The following STPG2 variants were observed in gnomAD, a reference collection of about 807,000 sequenced individuals.
STPG2 encodes the protein sperm tail PG-rich repeat containing 2.
A neutral mutation model predicts 54.2 loss-of-function variants in STPG2; 56 were observed. The observed-to-expected ratio is 1.03, with a 90% CI of 0.83 to 1.29. STPG2 has a LOEUF of 1.29. STPG2 is among the 50% of genes most tolerant of loss of function. The pLI, the probability that STPG2 is intolerant of heterozygous loss-of-function variation, is 0.00. For missense variants in STPG2, 596 were observed against 544.9 expected, an observed-to-expected ratio of 1.09 and a Z score of -0.93; for synonymous variants, 200 against 181.8, an observed-to-expected ratio of 1.10 and a Z score of -0.81.
intron 8 of STPG2, among the ~76,000 whole-genome samples, chr4:97,861,883 G>A (rs1729558406): frequency 6.6e-6 from 1 of 152,016 alleles, no homozygotes; most frequent in Non-Finnish European, 1.5e-5. Context: ...GAGAGATTTT[G>A]TCACCACCAG....
At chr4:97,548,149 T>A (rs1731884979) in intron 4 of STPG2, among the ~76,000 whole-genome samples, 1 of 150,590 alleles carries the variant, frequency 6.6e-6, no homozygotes. Flanking sequence ...AAACTCTGTC[T>A]CAAAACAAAA....
Position 97,840,758 on chromosome 4 carries a change from G to T in STPG2, c.1204+15C>A, listed in dbSNP as rs1205032128. ...ATTTTTTTCCTCATAGCTTTATAAG[G>T]ACTTCTAGACTTACCTGGCCCATCA... On this transcript the variant is annotated intron_variant, in intron 9 of 10. Transcript: ENST00000295268. 2 of 1,589,636 alleles carry T rather than the reference G, an allele frequency of 1.3e-6. No homozygotes were observed. Among genetic ancestry groups the T allele is most frequent in the Admixed American group, 3.7e-5 (2 of 54,124 alleles).
At chr4:97,825,586 G>A (rs1450624866) in intron 9 of STPG2, among the ~76,000 whole-genome samples, 1 of 152,086 alleles carries the variant, frequency 6.6e-6, no homozygotes. Context: ...CTGCTTATTA[G>A]GCCCTAGAAA....
At chr4:97,636,635 T>C (rs1034598554) in intron 10 of STPG2, among the ~76,000 whole-genome samples, 11 of 151,200 alleles carry the variant, frequency 7.3e-5, no homozygotes, top group Admixed American at 2.0e-4. Flanking sequence ...ATCAAATAGA[T>C]GCAATAAAAA....
intron 4 of STPG2, among the ~76,000 whole-genome samples, chr4:97,447,905 A>C (rs562605615): frequency 4.6e-4 from 70 of 152,270 alleles, no homozygotes; most frequent in African/African-American, 1.6e-3. Flanking sequence ...TAGTAGGTCT[A>C]CTGACAGCTT....
chr4:97,502,776 C>T (rs936446987), intron 4 of STPG2, among the ~76,000 whole-genome samples: 1 of 151,628 alleles, frequency 6.6e-6, no homozygotes, highest in African/African-American at 2.4e-5. Context: ...GGGAGGAATA[C>T]TAAAACATAC....
At chr4:97,812,424 G>T (rs560107924) in intron 9 of STPG2, among the ~76,000 whole-genome samples, 1 of 151,982 alleles carries the variant, frequency 6.6e-6, no homozygotes, top group African/African-American at 2.4e-5. Flanking sequence ...TTTATAACCT[G>T]TTCCACATTT....
At chr4:97,676,058 T>C (rs1416798278) in intron 10 of STPG2, among the ~76,000 whole-genome samples, 1 of 146,866 alleles carries the variant, frequency 6.8e-6, no homozygotes, top group Admixed American at 6.9e-5. Flanking sequence ...AAAATATATA[T>C]ACTAAATATA....
At chr4:97,647,618 G>T (rs919821782) in intron 10 of STPG2, among the ~76,000 whole-genome samples, 2 of 152,034 alleles carry the variant, frequency 1.3e-5, no homozygotes, top group African/African-American at 4.8e-5. Flanking sequence ...TGGAGTCAAG[G>T]TCCCAAAAGG....
intron 10 of STPG2, among the ~76,000 whole-genome samples, chr4:97,704,195 T>G (rs749676136): frequency 6.6e-6 from 1 of 152,048 alleles, no homozygotes; most frequent in Admixed American, 6.6e-5. Flanking sequence ...TATCCTTCAA[T>G]CCAATTAAGT....
chr4:97,731,714 G>A (rs1184469910), intron 9 of STPG2, among the ~76,000 whole-genome samples: 1 of 152,146 alleles, frequency 6.6e-6, no homozygotes, highest in Non-Finnish European at 1.5e-5. Flanking sequence ...AGAGGGGCAC[G>A]TCCAGCTCCC....
intron 10 of STPG2, among the ~76,000 whole-genome samples, chr4:97,634,605 G>T (rs1429552414): frequency 3.3e-5 from 5 of 150,608 alleles, no homozygotes; most frequent in East Asian, 1.9e-4. Context: ...AAATTTAGAA[G>T]AATGTATAAC....
chr4:98,081,234 G>A (rs375109558), intron 5 of STPG2, among the ~76,000 whole-genome samples: 3 of 152,170 alleles, frequency 2.0e-5, no homozygotes. Context: ...AAGGAACTAC[G>A]ATATTGATTT....
chr4:97,993,027 T>C (rs1735071727), intron 5 of STPG2, among the ~76,000 whole-genome samples: 1 of 152,072 alleles, frequency 6.6e-6, no homozygotes, highest in African/African-American at 2.4e-5. Flanking sequence ...CATCAGCAAA[T>C]AGCAATAGTT....
Position 98,143,125 on chromosome 4 carries a change from A to T in STPG2, c.26T>A (p.Leu9His). The change falls in exon 1 of 11, where the codon CTC (leucine) becomes CAC (histidine). Residue 9 changes from leucine (L) to histidine (H), a missense_variant. Physicochemically the swap from Leu to His is moderately conservative, Grantham distance 99. Coordinates refer to ENST00000295268, the MANE Select transcript of STPG2 (RefSeq NM_174952.3). ...AGTGCTGCCACCTTCAGCCAATTTGAGCAGGCGGGGAGCCCGATCATACAT... is the reference window on the plus strand; with the variant it reads ...AGTGCTGCCACCTTCAGCCAATTTGTGCAGGCGGGGAGCCCGATCATACAT... MYDRAPRL[L>H]KLAEGGSTEA... is the part of the protein sequence containing the mutation. The T allele has an allele frequency of 6.2e-7, 1 of 1,613,674 alleles. No individual in the cohort carries two copies. The highest frequency in any genetic ancestry group is 8.5e-7 in the Non-Finnish European group (1 of 1,179,868).
At chr4:98,049,387 T>C (rs902670127) in intron 5 of STPG2, among the ~76,000 whole-genome samples, 21 of 152,174 alleles carry the variant, frequency 1.4e-4, no homozygotes, top group African/African-American at 5.1e-4. Flanking sequence ...ACACTAAACA[T>C]TTTATTATAC....
At chr4:97,631,638 C>A (rs1721283978) in intron 10 of STPG2, among the ~76,000 whole-genome samples, 1 of 151,900 alleles carries the variant, frequency 6.6e-6, no homozygotes, top group South Asian at 2.1e-4. Flanking sequence ...ATTGAAGACA[C>A]CTAAAGCAAA....
Position 98,143,360 on chromosome 4 carries a change from A to G in STPG2, c.-210T>C. ...CAAATCGATTTCTAGCTCTGTGGTA[A>G]AGTAGAGGGGTGAGCGACTAGAGAT... On this transcript the variant is annotated 5_prime_UTR_variant, in exon 1 of 11. Coordinates refer to ENST00000295268, the MANE Select transcript of STPG2 (RefSeq NM_174952.3). 3.6e-6 allele frequency: 2 copies of G among 559,540 alleles called. No individual in the cohort carries two copies. The highest frequency in any genetic ancestry group is 4.2e-5 in the South Asian group (2 of 47,516). 34.7% of individuals were successfully genotyped at this position (559,540 alleles called of 1,614,324 possible).
chr4:97,593,823 G>A (rs1335009387), intron 10 of STPG2, among the ~76,000 whole-genome samples: 1 of 152,094 alleles, frequency 6.6e-6, no homozygotes, highest in Non-Finnish European at 1.5e-5. Flanking sequence ...ACAACCTTGA[G>A]GGGCCAGAGA....
Sources: gnomAD v4.1 joint callset for allele counts (sites outside exome capture counted in the v4.1 genomes callset) on GRCh38, gnomAD v4.1.1 for gene constraint, MANE v1.5 for transcripts, NCBI Gene and HGNC (gene_info 2026-07-23, HGNC 2026-07-21) for gene names.